CD99: variants seen among roughly 807,000 people sequenced by gnomAD.
CD99 encodes CD99 antigen.
In CD99, 19 loss-of-function variants were observed where a neutral mutation model predicts 28.4. The ratio of observed to expected loss-of-function variants is 0.67; its 90% CI spans 0.47 to 0.98. CD99 has a LOEUF of 0.98. CD99 is among the 50% of genes least tolerant of loss of function. CD99 has a pLI of 0.00. For missense variants in CD99, 283 were observed against 248.8 expected, an observed-to-expected ratio of 1.14 and a Z score of -0.92; for synonymous variants, 103 against 92.1, an observed-to-expected ratio of 1.12 and a Z score of -0.67.
intron 1 of CD99, among the ~76,000 whole-genome samples, chrX:2,693,668 C>G (rs2047438129): frequency 6.6e-6 from 1 of 152,146 alleles, no homozygotes; most frequent in African/African-American, 2.4e-5. Context: ...GGCCTGATCT[C>G]AGAGTGTTGG....
chrX:2,716,473 A>G (rs970542583), intron 2 of CD99, among the ~76,000 whole-genome samples: 2 of 151,498 alleles, frequency 1.3e-5, no homozygotes, highest in East Asian at 1.9e-4. Flanking sequence ...AGTAGCTGGG[A>G]CTACAGGCAT....
chrX:2,710,735 C>T (rs311063), intron 1 of CD99, among the ~76,000 whole-genome samples: 2,273 of 152,018 alleles, frequency 0.015, 65 homozygotes, highest in African/African-American at 0.053. Flanking sequence ...CGCTGAGGCA[C>T]TAACAAAGGT....
At chrX:2,700,329 C>G (rs2047785398) in intron 1 of CD99, among the ~76,000 whole-genome samples, 3 of 152,174 alleles carry the variant, frequency 2.0e-5, no homozygotes, top group Admixed American at 2.0e-4. Flanking sequence ...TCTCCGTGTT[C>G]TAGGTATCCA....
In CD99 at chrX:2,705,686, G is replaced by A. The variant is rs2048079166; in HGVS notation, c.68-8736G>A. Among the ~76,000 whole-genome samples, 6 of 152,108 alleles carry A rather than the reference G, an allele frequency of 3.9e-5. No individual in the cohort carries two copies. The South Asian group carries it at 1.2e-3, about 32-fold the overall frequency. ...ATTGCAGTCGCCATGGTGTCTCTGA[G>A]CTTTCCTGAAGTTATTTGTCCTGTC... On this transcript the variant is annotated intron_variant, in intron 1 of 9. Transcript: ENST00000381192.
intron 6 of CD99, 61 bp downstream of exon 6, chrX:2,722,735 G>A: frequency 2.0e-6 from 3 of 1,491,272 alleles, no homozygotes; most frequent in East Asian, 2.3e-5. Flanking sequence ...CACCTGCTCT[G>A]TAGAATCACT....
At chrX:2,735,144 T>C (rs2049871670) in intron 8 of CD99, among the ~76,000 whole-genome samples, 1 of 152,316 alleles carries the variant, frequency 6.6e-6, no homozygotes, top group Admixed American at 6.5e-5. Context: ...CTAACACCGC[T>C]TAAAGATTAG....
intron 1 of CD99, 94 bp downstream of exon 1, chrX:2,691,521 G>T (rs1445793290): frequency 5.1e-6 from 7 of 1,375,492 alleles, no homozygotes; most frequent in Non-Finnish European, 7.0e-6. Context: ...GCGCCCCGCG[G>T]GGACACCCGG....
chrX:2,733,479 G>A (rs1403625990), intron 8 of CD99: 13 of 1,216,180 alleles, frequency 1.1e-5, no homozygotes, highest in South Asian at 8.0e-5. Flanking sequence ...CGCTCCCCTC[G>A]CCCTGCTGGC....
intron 5 of CD99, among the ~76,000 whole-genome samples, chrX:2,721,288 T>C (rs1339895100): frequency 6.6e-6 from 1 of 152,014 alleles, no homozygotes; most frequent in Non-Finnish European, 1.5e-5. Flanking sequence ...ATATATCTTT[T>C]TTTTTTCTTT....
chrX:2,717,825 ATT>A, intron 3 of CD99, 173 bp downstream of exon 3: 1 of 617,894 alleles, frequency 1.6e-6, no homozygotes, highest in East Asian at 2.8e-5. Context: ...TCATGTAGTG[ATT>A]CCAGTAAAAG....
At chrX:2,695,106 G>A (rs1398169375) in intron 1 of CD99, among the ~76,000 whole-genome samples, 1 of 152,066 alleles carries the variant, frequency 6.6e-6, no homozygotes, top group Non-Finnish European at 1.5e-5. Context: ...AAAATGTTCT[G>A]AGCACTCTTG....
intron 7 of CD99, among the ~76,000 whole-genome samples, chrX:2,723,946 G>A (rs1453435468): frequency 1.4e-5 from 2 of 143,428 alleles, no homozygotes; most frequent in Non-Finnish European, 3.0e-5. Context: ...AGAGAAGTAG[G>A]GAGGAAGAAA....
chrX:2,722,398 G>A (rs1325841822), intron 5 of CD99, among the ~76,000 whole-genome samples: 1 of 152,108 alleles, frequency 6.6e-6, no homozygotes, highest in African/African-American at 2.4e-5. Context: ...TTGGCTCACT[G>A]CAACCTCCAC....
intron 1 of CD99, among the ~76,000 whole-genome samples, chrX:2,693,062 C>T (rs1444562762): frequency 3.9e-5 from 6 of 152,048 alleles, no homozygotes; most frequent in Non-Finnish European, 8.8e-5. Context: ...CGTTCCAGGT[C>T]ATTGGAGCAG....
At chrX:2,712,776 T>TAC (rs769964356) in intron 1 of CD99, among the ~76,000 whole-genome samples, 1 of 151,264 alleles carries the variant, frequency 6.6e-6, no homozygotes, top group Non-Finnish European at 1.5e-5. Flanking sequence ...CAGCCATGAG[T>TAC]ACACACACAC....
intron 1 of CD99, among the ~76,000 whole-genome samples, chrX:2,707,106 G>T (rs930969697): frequency 2.6e-5 from 4 of 152,190 alleles, no homozygotes; most frequent in African/African-American, 4.8e-5. Context: ...AAGGCAGGCA[G>T]ATCACTTGAT....
At chrX:2,693,230 A>G (rs1220141568) in intron 1 of CD99, among the ~76,000 whole-genome samples, 1 of 150,336 alleles carries the variant, frequency 6.7e-6, no homozygotes, top group Non-Finnish European at 1.5e-5. Context: ...GGCGTTGCAC[A>G]GTTTTTAAAC....
Position 2,714,423 on chromosome X carries a change from TG to T in CD99, c.71del (p.Gly24ValfsTer32). ...LLGVLVAAPD[G>X]GFDLSDALPD... The stretch of plus-strand genomic sequence containing the variant: ...GTTGACTCTTTTTTTCTCTCTTAGA[TG>T]GTGGTTTCGATTTATCCGATGCCCT... On this transcript the variant is annotated frameshift_variant and splice_region_variant, in exon 2 of 10. Coordinates refer to ENST00000381192, the MANE Select transcript of CD99 (RefSeq NM_002414.5). LOFTEE classifies it high-confidence loss of function. 1 of 1,599,154 alleles carries T rather than the reference TG, an allele frequency of 6.3e-7. No individual in the cohort carries two copies. Among genetic ancestry groups the T allele is most frequent in the Non-Finnish European group, 8.6e-7 (1 of 1,167,124 alleles).
At chrX:2,730,932 A>G (rs1177132706) in intron 8 of CD99, among the ~76,000 whole-genome samples, 1 of 97,520 alleles carries the variant, frequency 1.0e-5, no homozygotes, top group Admixed American at 1.1e-4. Flanking sequence ...TCTGTCTCAA[A>G]AAAAAAAAAA....
Sources: gnomAD v4.1 joint callset for allele counts (sites outside exome capture counted in the v4.1 genomes callset) on GRCh38, gnomAD v4.1.1 for gene constraint, MANE v1.5 for transcripts, NCBI Gene and HGNC (gene_info 2026-07-23, HGNC 2026-07-21) for gene names.